The following NKAIN3 variants were observed in gnomAD, a reference collection of about 807,000 sequenced individuals.
NKAIN3 encodes the protein sodium/potassium-transporting ATPase subunit beta-1-interacting protein 3.
NKAIN3 carries 25 observed loss-of-function variants against 30.2 expected under a neutral mutation model. The ratio of observed to expected loss-of-function variants is 0.83; its 90% CI spans 0.60 to 1.16. The LOEUF is 1.16. NKAIN3 is among the 50% of genes most tolerant of loss of function. The pLI is 0.00. For missense variants in NKAIN3, 225 were observed against 254.1 expected (o/e 0.89, Z 0.78); for synonymous variants, 91 against 89.6 (o/e 1.02, Z -0.09).
chr8:62,947,437 T>A (rs1823156876), intron 5 of NKAIN3, among the ~76,000 whole-genome samples: 1 of 152,262 alleles, frequency 6.6e-6, no homozygotes. Context: ...TACATTTTTC[T>A]TGTCAATCTT....
intron 1 of NKAIN3, among the ~76,000 whole-genome samples, chr8:62,278,404 G>A (rs1275174486): frequency 2.0e-5 from 3 of 151,528 alleles, no homozygotes; most frequent in Non-Finnish European, 2.9e-5. Context: ...TATACTTTAA[G>A]TTTTAGGGTA....
At chr8:62,790,428 C>T (rs1203810089) in intron 4 of NKAIN3, among the ~76,000 whole-genome samples, 1 of 151,960 alleles carries the variant, frequency 6.6e-6, no homozygotes, top group African/African-American at 2.4e-5. Context: ...CTCTTATCAT[C>T]CTCTTATTTT....
intron 1 of NKAIN3, among the ~76,000 whole-genome samples, chr8:62,526,902 C>T: frequency 6.6e-6 from 1 of 152,102 alleles, no homozygotes; most frequent in Admixed American, 6.6e-5. Flanking sequence ...CTACATCTAC[C>T]CACTACTCAC....
chr8:62,630,488 G>A (rs1027854386), intron 3 of NKAIN3, among the ~76,000 whole-genome samples: 3 of 151,882 alleles, frequency 2.0e-5, no homozygotes, highest in Non-Finnish European at 4.4e-5. Flanking sequence ...GGTTCTTAAA[G>A]GCTGACAGGA....
chr8:62,465,140 C>G (rs1806122196), intron 1 of NKAIN3, among the ~76,000 whole-genome samples: 1 of 152,110 alleles, frequency 6.6e-6, no homozygotes, highest in South Asian at 2.1e-4. Context: ...AAAGAGATTG[C>G]TTAACTCAAT....
intron 4 of NKAIN3, among the ~76,000 whole-genome samples, chr8:62,888,882 G>C (rs1306237106): frequency 6.6e-6 from 1 of 152,088 alleles, no homozygotes; most frequent in African/African-American, 2.4e-5. Context: ...GTGTTATTCT[G>C]TGTTGTTTAT....
At chr8:62,801,429 G>T (rs909113868) in intron 4 of NKAIN3, among the ~76,000 whole-genome samples, 2 of 152,184 alleles carry the variant, frequency 1.3e-5, no homozygotes, top group African/African-American at 4.8e-5. Flanking sequence ...AACTTCCAGA[G>T]GAATGATCAG....
rs1824305280 is a variant in NKAIN3 at position 62,990,783 on chromosome 8, AC to A, written c.533-8446del. On this transcript the variant is annotated intron_variant, in intron 5 of 5. Coordinates refer to the NKAIN3 transcript ENST00000519049. ...AAGTGTCGTAATTACACATTGAGGG[AC>A]CAACTAGACCTTTTCTCATTGTAAA... 5 of 152,240 alleles carry A rather than the reference AC, an allele frequency of 3.3e-5. 1 individual carries two copies. In the South Asian group the frequency reaches 1.0e-3, roughly 31 times the overall value. The allele number at this position is 152,240 out of a possible 1,614,324, so 9.4% of individuals were successfully genotyped here. A position where few individuals can be genotyped will look rare whatever the true frequency, so the allele number is the denominator to read the frequency against.
intron 1 of NKAIN3, among the ~76,000 whole-genome samples, chr8:62,318,235 T>C (rs187485144): frequency 8.6e-4 from 131 of 152,286 alleles, no homozygotes; most frequent in African/African-American, 2.7e-3. Context: ...CAGGGACAAT[T>C]TGACTTCCTC....
intron 3 of NKAIN3, among the ~76,000 whole-genome samples, chr8:62,711,403 C>T (rs1285833434): frequency 6.6e-6 from 1 of 152,032 alleles, no homozygotes; most frequent in Non-Finnish European, 1.5e-5. Context: ...TAACATAATC[C>T]CAGACTTCTT....
At position 62,734,466 on chromosome 8, in the gene NKAIN3, C is replaced by G. The variant is rs144725206; in HGVS notation, c.274-12466C>G. ...CTATTTAGTCTTAATCTTTGGAAAA[C>G]CTGAGGGATCTAGTTTTAAGATAAA... On this transcript the variant is annotated intron_variant, in intron 3 of 6. Transcript: ENST00000623646. Among the ~76,000 whole-genome samples the G allele has an allele frequency of 4.5e-3, 690 of 152,080 alleles. 2 individuals are homozygous for G. Among genetic ancestry groups the G allele is most frequent in the Non-Finnish European group, 8.1e-3 (553 of 68,002 alleles).
At chr8:62,249,623 C>CT (rs376980652) in intron 1 of NKAIN3, among the ~76,000 whole-genome samples, 1 of 152,110 alleles carries the variant, frequency 6.6e-6, no homozygotes, top group African/African-American at 2.4e-5. Flanking sequence ...TGAGGTGGTT[C>CT]TAACCTTAAG....
intron 6 of NKAIN3, among the ~76,000 whole-genome samples, chr8:62,963,361 A>G (rs903250972): frequency 3.9e-5 from 6 of 152,162 alleles, no homozygotes; most frequent in Admixed American, 3.3e-4. Flanking sequence ...CCTACCTGAC[A>G]TCATAAGAAC....
At chr8:62,759,637 T>C (rs1563549560) in intron 4 of NKAIN3, among the ~76,000 whole-genome samples, 2 of 152,148 alleles carry the variant, frequency 1.3e-5, no homozygotes. Flanking sequence ...ATTTTGAGCC[T>C]AGGTGACAAG....
At chr8:62,466,970 A>G (rs1033814802) in intron 1 of NKAIN3, among the ~76,000 whole-genome samples, 3 of 152,192 alleles carry the variant, frequency 2.0e-5, no homozygotes, top group African/African-American at 7.2e-5. Flanking sequence ...TTTCTCAAAT[A>G]TCTTTCCATT....
chr8:62,510,923 G>A (rs114816993), intron 1 of NKAIN3, among the ~76,000 whole-genome samples: 4,733 of 152,044 alleles, frequency 0.031, 281 homozygotes, highest in African/African-American at 0.11. Context: ...TTTCAAGGTC[G>A]TTTGCTGGTG....
At chr8:62,403,063 A>T (rs933384128) in intron 1 of NKAIN3, among the ~76,000 whole-genome samples, 14 of 152,330 alleles carry the variant, frequency 9.2e-5, no homozygotes, top group African/African-American at 3.4e-4. Context: ...GTGGTCTCAG[A>T]TGGAGATGAG....
chr8:62,281,960 C>G (rs1195890464), intron 1 of NKAIN3, among the ~76,000 whole-genome samples: 1 of 151,418 alleles, frequency 6.6e-6, no homozygotes, highest in Non-Finnish European at 1.5e-5. Context: ...TGTCCTGTCA[C>G]TTCACCTAAA....
chr8:62,649,689 G>A (rs1180273069), intron 3 of NKAIN3, among the ~76,000 whole-genome samples: 1 of 152,154 alleles, frequency 6.6e-6, no homozygotes, highest in East Asian at 1.9e-4. Context: ...CTTAAAACAC[G>A]GTTTTATCTA....
Sources: allele counts gnomAD v4.1 joint callset (sites outside exome capture counted in the v4.1 genomes callset), GRCh38; gene constraint gnomAD v4.1.1; transcripts MANE v1.5; gene names NCBI Gene and HGNC (gene_info 2026-07-23, HGNC 2026-07-21).